Variants in GRM7 observed in about 807,000 individuals in gnomAD.
GRM7 encodes the protein glutamate metabotropic receptor 7, also known as metabotropic glutamate receptor 7.
In GRM7, 35 loss-of-function variants were observed where a neutral mutation model predicts 84.5. That is an observed-to-expected ratio of 0.41 (90% CI 0.32 to 0.55). The LOEUF is 0.55. GRM7 is among the 20% of genes least tolerant of loss of function. The pLI is 0.19. For synonymous variants in GRM7, 487 were observed against 455.1 expected, an observed-to-expected ratio of 1.07 and a Z score of -0.89; for missense variants, 1,003 against 1,194.6, an observed-to-expected ratio of 0.84 and a Z score of 2.36.
intron 7 of GRM7, among the ~76,000 whole-genome samples, chr3:7,556,514 C>T (rs902156449): frequency 5.9e-5 from 9 of 152,098 alleles, no homozygotes; most frequent in African/African-American, 2.2e-4. Flanking sequence ...CATTACTACC[C>T]TCTGTTGTAA....
At chr3:7,415,197 T>C (rs200551997) in intron 5 of GRM7, 34 bp downstream of exon 5, 39 of 1,585,838 alleles carry the variant, frequency 2.5e-5, no homozygotes, top group African/African-American at 2.0e-4. Flanking sequence ...CTCCTATTAC[T>C]CTACGTGGCT....
At chr3:7,450,199 T>G (rs1185846580) in intron 5 of GRM7, among the ~76,000 whole-genome samples, 1 of 152,070 alleles carries the variant, frequency 6.6e-6, no homozygotes, top group Non-Finnish European at 1.5e-5. Context: ...TTTTCCTTTA[T>G]AACAAGAAAA....
At chr3:7,655,390 T>C (rs1369952025) in intron 8 of GRM7, among the ~76,000 whole-genome samples, 1 of 152,186 alleles carries the variant, frequency 6.6e-6, no homozygotes, top group East Asian at 1.9e-4. Context: ...GGCTCTATCC[T>C]TTAGGATGGC....
At chr3:7,046,028 C>T (rs1465930451) in intron 1 of GRM7, among the ~76,000 whole-genome samples, 3 of 152,156 alleles carry the variant, frequency 2.0e-5, no homozygotes, top group South Asian at 4.1e-4. Context: ...TTCTCCATAT[C>T]TTTGCCAGCA....
At chr3:7,086,200 T>C (rs1029480357) in intron 1 of GRM7, among the ~76,000 whole-genome samples, 1 of 152,182 alleles carries the variant, frequency 6.6e-6, no homozygotes, top group Non-Finnish European at 1.5e-5. Flanking sequence ...AGAATCACTG[T>C]CTTACATTTT....
At chr3:7,247,749 A>G (rs1181806574) in intron 2 of GRM7, among the ~76,000 whole-genome samples, 3 of 152,060 alleles carry the variant, frequency 2.0e-5, no homozygotes, top group African/African-American at 7.2e-5. Context: ...AATGTTTTAT[A>G]TATTAAAATA....
chr3:7,730,983 G>A (rs1702308925), intron 9 of GRM7, among the ~76,000 whole-genome samples: 1 of 152,114 alleles, frequency 6.6e-6, no homozygotes, highest in Non-Finnish European at 1.5e-5. Flanking sequence ...GATGTTTTAA[G>A]ACAGAGACTT....
At chr3:7,237,290 A>C (rs1697380452) in intron 2 of GRM7, among the ~76,000 whole-genome samples, 1 of 152,200 alleles carries the variant, frequency 6.6e-6, no homozygotes, top group South Asian at 2.1e-4. Context: ...AACTTTAAGC[A>C]GTCCTTCTAT....
At chr3:7,359,703 G>T (rs1693577972) in intron 4 of GRM7, among the ~76,000 whole-genome samples, 1 of 147,784 alleles carries the variant, frequency 6.8e-6, no homozygotes, top group Admixed American at 6.7e-5. Context: ...TCATTTTTGT[G>T]ATCCAGTGTT....
At chr3:7,331,901 G>A (rs892609870) in intron 4 of GRM7, among the ~76,000 whole-genome samples, 1 of 152,134 alleles carries the variant, frequency 6.6e-6, no homozygotes, top group Admixed American at 6.6e-5. Context: ...ACACTGAGAA[G>A]TAGCAAAACC....
chr3:7,737,734 A>C (rs2106531686), intron 9 of GRM7, among the ~76,000 whole-genome samples: 1 of 152,334 alleles, frequency 6.6e-6, no homozygotes, highest in East Asian at 1.9e-4. Flanking sequence ...TCATTTGCAT[A>C]GAACTCTGTA....
intron 1 of GRM7, among the ~76,000 whole-genome samples, chr3:6,926,604 A>G (rs1697306529): frequency 6.6e-6 from 1 of 152,182 alleles, no homozygotes; most frequent in Non-Finnish European, 1.5e-5. Context: ...CAAGGATGTG[A>G]TGGAAACTGA....
chr3:7,551,024 ATTCTTAGC>A (rs1325385269), intron 7 of GRM7, among the ~76,000 whole-genome samples: 1 of 152,164 alleles, frequency 6.6e-6, no homozygotes, highest in Non-Finnish European at 1.5e-5. Flanking sequence ...TTACTTAGTG[ATTCTTAGC>A]TTTGTTATCA....
rs774000172 is a variant in GRM7 at position 7,498,836 on chromosome 3, C to T, written c.1515+37114C>T. 5.6e-4 allele frequency among the ~76,000 whole-genome samples: 86 copies of T among 152,278 alleles called. 1 individual carries two copies. Among genetic ancestry groups the T allele is most frequent in the Non-Finnish European group, 5.3e-4 (36 of 68,020 alleles). ...GAGACCTGTTCTGATTAACTTAAAGCGGATGAGGCCAGAGCCCTCCACTTT... is the reference window on the plus strand; with the variant it reads ...GAGACCTGTTCTGATTAACTTAAAGTGGATGAGGCCAGAGCCCTCCACTTT... On this transcript the variant is annotated intron_variant, in intron 7 of 9. Coordinates refer to ENST00000357716, the MANE Select transcript of GRM7 (RefSeq NM_000844.4).
intron 1 of GRM7, among the ~76,000 whole-genome samples, chr3:7,127,313 A>T (rs1693434810): frequency 6.6e-6 from 1 of 152,214 alleles, no homozygotes; most frequent in East Asian, 1.9e-4. Flanking sequence ...GATTCCAATG[A>T]AGTGTTCAGG....
At chr3:7,192,708 C>T (rs1357735893) in intron 2 of GRM7, among the ~76,000 whole-genome samples, 16 of 152,028 alleles carry the variant, frequency 1.1e-4, no homozygotes, top group Non-Finnish European at 2.9e-5. Flanking sequence ...ATGCTATCAA[C>T]TCTCCTTTAA....
chr3:7,515,439 A>T (rs922751727), intron 7 of GRM7, among the ~76,000 whole-genome samples: 3 of 152,126 alleles, frequency 2.0e-5, no homozygotes, highest in African/African-American at 7.2e-5. Flanking sequence ...GACATTGTCC[A>T]TGTTCCCTCA....
intron 9 of GRM7, among the ~76,000 whole-genome samples, chr3:7,690,628 T>C (rs1700763937): frequency 6.6e-6 from 1 of 152,176 alleles, no homozygotes; most frequent in Non-Finnish European, 1.5e-5. Context: ...CTAAACCCAT[T>C]TATAAACCAA....
At chr3:7,525,956 C>G (rs1488565893) in intron 7 of GRM7, among the ~76,000 whole-genome samples, 1 of 151,984 alleles carries the variant, frequency 6.6e-6, no homozygotes, top group African/African-American at 2.4e-5. Flanking sequence ...TAATCCAATC[C>G]ACCACCAATG....
Sources: gnomAD v4.1 joint callset for allele counts (sites outside exome capture counted in the v4.1 genomes callset) on GRCh38, gnomAD v4.1.1 for gene constraint, MANE v1.5 for transcripts, NCBI Gene and HGNC (gene_info 2026-07-23, HGNC 2026-07-21) for gene names.